Variants in CD1B observed in about 807,000 individuals in gnomAD.
The protein encoded by CD1B is CD1b molecule.
A neutral mutation model predicts 39.8 loss-of-function variants in CD1B; 43 were observed. The observed-to-expected ratio is 1.08, with a 90% CI of 0.85 to 1.39. The LOEUF is 1.39. Ranked by LOEUF, CD1B falls within the 40% of genes most tolerant of loss-of-function variation. The pLI is 0.00. For missense variants in CD1B, 495 were observed against 403.8 expected (o/e 1.23, Z -1.94); for synonymous variants, 192 against 152.5 (o/e 1.26, Z -1.91).
the CD1B span, among the ~76,000 whole-genome samples, chr1:158,294,228 G>C: frequency 6.6e-6 from 1 of 152,218 alleles, no homozygotes; most frequent in Non-Finnish European, 1.5e-5. Flanking sequence ...GGGTTGGAGT[G>C]GGATCAAGGC....
At chr1:158,314,147 C>T in the CD1B span, among the ~76,000 whole-genome samples, 2 of 152,052 alleles carry the variant, frequency 1.3e-5, no homozygotes. Flanking sequence ...TGCAGTGGCA[C>T]GATCTCTGCT....
chr1:158,293,657 A>G, the CD1B span: 6 of 1,424,594 alleles, frequency 4.2e-6, no homozygotes, highest in African/African-American at 1.4e-5. Context: ...TCCACTTTTT[A>G]TATAGCACTC....
At chr1:158,326,449 T>C (rs1023310360), downstream of CD1B, among the ~76,000 whole-genome samples, 9 of 152,118 alleles carry the variant, frequency 5.9e-5, no homozygotes, top group African/African-American at 1.9e-4. Flanking sequence ...TTAAAAACGG[T>C]TTATGAAACA....
rs138384832 is a variant in CD1B at position 158,330,440 on chromosome 1, C to T, written c.329-310G>A. 1.8e-3 allele frequency: 976 copies of T among 552,878 alleles called. 7 individuals carry two copies. Among genetic ancestry groups the T allele is most frequent in the African/African-American group, 0.015 (812 of 52,884 alleles). The allele number at this position is 552,878 out of a possible 1,614,324, so 34.2% of individuals were successfully genotyped here. ...GGAGGTTCCCAGCAAGAGGAGGGTG[C>T]GGGGAGGAGATGATTGAAAAGATGG... On this transcript the variant is annotated intron_variant, in intron 2 of 5. Coordinates refer to ENST00000368168, the MANE Select transcript of CD1B (RefSeq NM_001764.3).
the CD1B span, among the ~76,000 whole-genome samples, chr1:158,316,999 G>A: frequency 5.5e-4 from 83 of 150,772 alleles, 4 homozygotes; most frequent in South Asian, 0.017. Flanking sequence ...TGCATCCCAG[G>A]GATGAAGCCC....
At chr1:158,314,320 G>A in the CD1B span, among the ~76,000 whole-genome samples, 1 of 152,144 alleles carries the variant, frequency 6.6e-6, no homozygotes, top group African/African-American at 2.4e-5. Context: ...CTTAACAAGT[G>A]ATCCACCCTC....
At chr1:158,293,256 C>A in the CD1B span, 1 of 1,614,030 alleles carries the variant, frequency 6.2e-7, no homozygotes, top group Non-Finnish European at 8.5e-7. Flanking sequence ...AGTGATAGTG[C>A]CCTTGGTGAT....
chr1:158,311,710 C>T, the CD1B span, among the ~76,000 whole-genome samples: 1 of 152,140 alleles, frequency 6.6e-6, no homozygotes, highest in African/African-American at 2.4e-5. Context: ...TGTTCTTCTG[C>T]ATATGGATAT....
At chr1:158,298,994 A>G in the CD1B span, among the ~76,000 whole-genome samples, 23 of 152,198 alleles carry the variant, frequency 1.5e-4, no homozygotes, top group Non-Finnish European at 3.1e-4. Context: ...GTTCCTAATT[A>G]AATACCCTTT....
chr1:158,296,547 C>T, the CD1B span, among the ~76,000 whole-genome samples: 1 of 152,210 alleles, frequency 6.6e-6, no homozygotes, highest in African/African-American at 2.4e-5. Flanking sequence ...AGAGTGTCTT[C>T]TTACTTCCAA....
At chr1:158,305,939 C>T in the CD1B span, among the ~76,000 whole-genome samples, 2 of 152,278 alleles carry the variant, frequency 1.3e-5, no homozygotes, top group South Asian at 4.1e-4. Context: ...AAGCACTAAA[C>T]ATGAAAAGGA....
the CD1B span, among the ~76,000 whole-genome samples, chr1:158,307,656 C>T: frequency 2.6e-5 from 4 of 152,052 alleles, no homozygotes; most frequent in Non-Finnish European, 5.9e-5. Flanking sequence ...GACCAATATC[C>T]CTGACGAACA....
chr1:158,288,189 A>C, the CD1B span, among the ~76,000 whole-genome samples: 1,489 of 152,330 alleles, frequency 9.8e-3, 21 homozygotes, highest in African/African-American at 0.034. Flanking sequence ...TAGGATTTGA[A>C]CTGGGTATTG....
At chr1:158,322,423 T>G in the CD1B span, among the ~76,000 whole-genome samples, 501 of 148,968 alleles carry the variant, frequency 3.4e-3, 4 homozygotes, top group African/African-American at 0.013. Flanking sequence ...TTCTGTTTTT[T>G]TTTTTTTGTG....
At chr1:158,320,039 A>G in the CD1B span, among the ~76,000 whole-genome samples, 43 of 152,324 alleles carry the variant, frequency 2.8e-4, no homozygotes, top group African/African-American at 9.1e-4. Flanking sequence ...CCAGCTGCGT[A>G]CTGGGAGAAC....
chr1:158,307,353 C>T, the CD1B span, among the ~76,000 whole-genome samples: 4 of 152,052 alleles, frequency 2.6e-5, no homozygotes, highest in Non-Finnish European at 5.9e-5. Flanking sequence ...ATAAATTCCT[C>T]GACACGTACA....
the CD1B span, among the ~76,000 whole-genome samples, chr1:158,311,848 G>T: frequency 2.6e-5 from 4 of 152,124 alleles, no homozygotes; most frequent in Non-Finnish European, 5.9e-5. Flanking sequence ...CTGTTCCGCT[G>T]ATCTATGTAT....
At chr1:158,294,377 A>C in the CD1B span, among the ~76,000 whole-genome samples, 2 of 152,252 alleles carry the variant, frequency 1.3e-5, no homozygotes, top group South Asian at 2.1e-4. Flanking sequence ...AGACAGGCAC[A>C]TACAGCTTCT....
the CD1B span, among the ~76,000 whole-genome samples, chr1:158,318,627 T>A: frequency 6.6e-6 from 1 of 152,180 alleles, no homozygotes; most frequent in South Asian, 2.1e-4. Context: ...AATTTGCCAG[T>A]CTGTGTCTTC....
Sources: allele counts gnomAD v4.1 joint callset (sites outside exome capture counted in the v4.1 genomes callset), GRCh38; gene constraint gnomAD v4.1.1; transcripts MANE v1.5; gene names NCBI Gene and HGNC (gene_info 2026-07-23, HGNC 2026-07-21).